The following RIMBP2 variants were observed in gnomAD, a reference collection of about 807,000 sequenced individuals.
The protein encoded by RIMBP2 is RIMS binding protein 2.
RIMBP2 carries 48 observed loss-of-function variants against 118.6 expected under a neutral mutation model. The observed-to-expected ratio is 0.40, with a 90% CI of 0.32 to 0.51. The LOEUF is 0.51. Among genes scored for constraint, RIMBP2 ranks in the 20% least tolerant of loss-of-function variants. The pLI, the probability that RIMBP2 is intolerant of heterozygous loss-of-function variation, is 0.41. For missense variants in RIMBP2, 1,551 were observed against 1,768.3 expected (o/e 0.88, Z 2.20); for synonymous variants, 762 against 742.9 (o/e 1.03, Z -0.42).
intron 12 of RIMBP2, 90 bp downstream of exon 12, chr12:130,438,275 A>T: frequency 6.9e-7 from 1 of 1,442,476 alleles, no homozygotes; most frequent in Non-Finnish European, 9.6e-7. Context: ...GGAAGAGCAG[A>T]CCCTGCCTCC....
intron 4 of RIMBP2, among the ~76,000 whole-genome samples, chr12:130,484,727 C>T (rs927096451): frequency 6.6e-6 from 1 of 152,210 alleles, no homozygotes; most frequent in Non-Finnish European, 1.5e-5. Context: ...CCACGCTGCC[C>T]ACATCAGGGG....
At chr12:130,707,860 A>G (rs891149814) in intron 1 of RIMBP2, among the ~76,000 whole-genome samples, 2 of 152,214 alleles carry the variant, frequency 1.3e-5, no homozygotes, top group Non-Finnish European at 2.9e-5. Context: ...ACAGCTAGAT[A>G]GAGGCTGGGA....
chr12:130,503,176 A>G (rs10848121), intron 4 of RIMBP2, among the ~76,000 whole-genome samples: 149,579 of 151,932 alleles, frequency 0.98, 73,678 homozygotes, highest in East Asian at 1. Flanking sequence ...TGGATCACTT[A>G]AAGTCAGGAG....
chr12:130,646,132 C>T (rs1293830715), intron 1 of RIMBP2, among the ~76,000 whole-genome samples: 4 of 112,108 alleles, frequency 3.6e-5, no homozygotes, highest in Non-Finnish European at 8.1e-5. Context: ...CCTGCCTCTC[C>T]ACCTCCCTCA....
chr12:130,613,103 C>A (rs1413730447), intron 2 of RIMBP2, among the ~76,000 whole-genome samples: 1 of 152,218 alleles, frequency 6.6e-6, no homozygotes, highest in East Asian at 1.9e-4. Context: ...CATTTTTGTC[C>A]TCACGAGTGT....
chr12:130,397,695 G>T, intron 22 of RIMBP2, 146 bp from the exon 23 acceptor site: 2 of 393,750 alleles, frequency 5.1e-6, no homozygotes, highest in Non-Finnish European at 9.0e-6. Flanking sequence ...GCCATGAGAA[G>T]CAAAGGTCCT....
chr12:130,438,335 A>ACCGGGGGGGGGG, intron 12 of RIMBP2, 30 bp downstream of exon 12: 1 of 865,012 alleles, frequency 1.2e-6, no homozygotes, highest in Non-Finnish European at 1.9e-6. Context: ...GGCCTAACAA[A>ACCGGGGGGGGGG]CCCTCCCCAC....
intron 4 of RIMBP2, among the ~76,000 whole-genome samples, chr12:130,492,876 TC>T (rs1189313012): frequency 6.6e-5 from 10 of 152,326 alleles, no homozygotes; most frequent in African/African-American, 2.4e-4. Flanking sequence ...ACGCCTGTAA[TC>T]CCAGCACTTT....
chr12:130,655,183 G>A (rs1248751525), intron 1 of RIMBP2, among the ~76,000 whole-genome samples: 1 of 152,226 alleles, frequency 6.6e-6, no homozygotes. Context: ...ACAAAGAGGA[G>A]TGTGCCCTAG....
intron 2 of RIMBP2, among the ~76,000 whole-genome samples, chr12:130,616,788 T>C (rs950864124): frequency 3.3e-5 from 5 of 152,168 alleles, no homozygotes; most frequent in African/African-American, 1.2e-4. Flanking sequence ...TACATCGCCA[T>C]GTGGCAGCCA....
At chr12:130,432,710 G>T (rs1214063281) in intron 14 of RIMBP2, among the ~76,000 whole-genome samples, 1 of 152,210 alleles carries the variant, frequency 6.6e-6, no homozygotes, top group Non-Finnish European at 1.5e-5. Flanking sequence ...GGCCTCAGGG[G>T]AAAGAAACCA....
chr12:130,676,744 A>C (rs1054072831), intron 1 of RIMBP2, among the ~76,000 whole-genome samples: 1 of 152,212 alleles, frequency 6.6e-6, no homozygotes, highest in African/African-American at 2.4e-5. Flanking sequence ...TGAGTCTCAA[A>C]TGTACCATGA....
At chr12:130,674,751 T>C (rs1405228440) in intron 1 of RIMBP2, among the ~76,000 whole-genome samples, 2 of 152,098 alleles carry the variant, frequency 1.3e-5, no homozygotes, top group African/African-American at 2.4e-5. Flanking sequence ...CCCATATCCA[T>C]GACCGGCCGC....
At position 130,397,306 on chromosome 12, in the gene RIMBP2, AG is replaced by A; in HGVS notation, c.*54del. Reference sequence around the variant, plus strand: ...GAAGTACTTGAGTCATGAAAGCCCTAGTTTGGAATTAAAGAAAATTACATAG... The same window carrying A: ...GAAGTACTTGAGTCATGAAAGCCCTATTTGGAATTAAAGAAAATTACATAG... On this transcript the variant is annotated 3_prime_UTR_variant, in exon 23 of 23. Transcript: ENST00000690449. 1 of 398,500 alleles carries A rather than the reference AG, an allele frequency of 2.5e-6. No individual in the cohort carries two copies. The allele number at this position is 398,500 out of a possible 1,614,324, so 24.7% of individuals were successfully genotyped here.
intron 2 of RIMBP2, among the ~76,000 whole-genome samples, chr12:130,593,962 T>C (rs1314750033): frequency 6.6e-6 from 1 of 152,232 alleles, no homozygotes; most frequent in East Asian, 1.9e-4. Context: ...GTCTTCCAGC[T>C]CCACACCAGC....
chr12:130,413,040 G>T (rs2075841216), intron 18 of RIMBP2, among the ~76,000 whole-genome samples: 1 of 151,932 alleles, frequency 6.6e-6, no homozygotes, highest in African/African-American at 2.4e-5. Context: ...CATCAGGCAG[G>T]GTGTTTGCTT....
intron 2 of RIMBP2, among the ~76,000 whole-genome samples, chr12:130,535,728 CATATATATACAT>C (rs1344105402): frequency 0.046 from 5,826 of 127,948 alleles, 180 homozygotes; most frequent in Admixed American, 0.084. Context: ...CATATATATA[CATATATATACAT>C]ATATATATAT....
chr12:130,677,614 C>T (rs373597737), intron 1 of RIMBP2, among the ~76,000 whole-genome samples: 1 of 151,932 alleles, frequency 6.6e-6, no homozygotes, highest in Non-Finnish European at 1.5e-5. Context: ...GGAGACAGAG[C>T]GGAACACTGT....
At chr12:130,558,827 C>T (rs557625085) in intron 2 of RIMBP2, among the ~76,000 whole-genome samples, 2 of 47,910 alleles carry the variant, frequency 4.2e-5, no homozygotes, top group African/African-American at 1.4e-4. Flanking sequence ...CAAGGGGACA[C>T]TTTTCCTTGC....
Sources: allele counts gnomAD v4.1 joint callset (sites outside exome capture counted in the v4.1 genomes callset), GRCh38; gene constraint gnomAD v4.1.1; transcripts MANE v1.5; gene names NCBI Gene and HGNC (gene_info 2026-07-23, HGNC 2026-07-21).